The following TRAPPC9 variants were observed in gnomAD, a reference collection of about 807,000 sequenced individuals.
TRAPPC9 encodes trafficking protein particle complex subunit 9.
A neutral mutation model predicts 124.0 loss-of-function variants in TRAPPC9; 83 were observed. The ratio of observed to expected loss-of-function variants is 0.67; its 90% CI spans 0.56 to 0.80. The LOEUF (loss-of-function observed/expected upper bound fraction) is 0.80. Among genes scored for constraint, TRAPPC9 ranks in the 30% least tolerant of loss-of-function variants. TRAPPC9 has a pLI of 0.00. For missense variants in TRAPPC9, 1,302 were observed against 1,508.3 expected (o/e 0.86, Z 2.27); for synonymous variants, 638 against 617.5 (o/e 1.03, Z -0.49).
intron 13 of TRAPPC9, among the ~76,000 whole-genome samples, chr8:140,284,949 G>A (rs1428467098): frequency 6.6e-6 from 1 of 152,162 alleles, no homozygotes; most frequent in East Asian, 1.9e-4. Context: ...TTGCACTAAT[G>A]TCCTTTCTAT....
chr8:140,179,024 C>A (rs2062138782), intron 17 of TRAPPC9, among the ~76,000 whole-genome samples: 2 of 152,074 alleles, frequency 1.3e-5, no homozygotes, highest in Admixed American at 1.3e-4. Context: ...GAGGTGCATG[C>A]ATTTTATTGA....
intron 18 of TRAPPC9, among the ~76,000 whole-genome samples, chr8:140,010,601 C>A (rs183756522): frequency 9.2e-5 from 14 of 152,248 alleles, no homozygotes; most frequent in Admixed American, 7.2e-4. Context: ...GTTTACCTTA[C>A]TCAAAACTAA....
intron 17 of TRAPPC9, among the ~76,000 whole-genome samples, chr8:140,143,439 C>T (rs2061410950): frequency 6.6e-6 from 1 of 152,236 alleles, no homozygotes; most frequent in Non-Finnish European, 1.5e-5. Flanking sequence ...AATTCTCTAA[C>T]TTTTCTTCGT....
intron 21 of TRAPPC9, among the ~76,000 whole-genome samples, chr8:139,817,166 C>A (rs1294443587): frequency 6.6e-6 from 1 of 152,046 alleles, no homozygotes; most frequent in Non-Finnish European, 1.5e-5. Context: ...CCATGCCTTG[C>A]AGGGGCCGCT....
chr8:140,306,733 A>C (rs777177803), intron 10 of TRAPPC9, among the ~76,000 whole-genome samples: 2 of 152,228 alleles, frequency 1.3e-5, no homozygotes, highest in Non-Finnish European at 2.9e-5. Context: ...AAGTGCCACA[A>C]GTCCAAGGAA....
intron 17 of TRAPPC9, among the ~76,000 whole-genome samples, chr8:140,146,957 C>T (rs560496822): frequency 1.3e-5 from 2 of 152,060 alleles, no homozygotes; most frequent in East Asian, 3.9e-4. Flanking sequence ...TACCTGTTAC[C>T]CACGCACTCA....
intron 16 of TRAPPC9, among the ~76,000 whole-genome samples, chr8:140,234,403 C>T (rs1207156688): frequency 6.6e-6 from 1 of 152,242 alleles, no homozygotes; most frequent in Non-Finnish European, 1.5e-5. Context: ...CAGTACTGCA[C>T]AGGCCATTCC....
At chr8:140,246,652 C>G (rs1334379015) in intron 16 of TRAPPC9, among the ~76,000 whole-genome samples, 1 of 152,170 alleles carries the variant, frequency 6.6e-6, no homozygotes, top group African/African-American at 2.4e-5. Context: ...AGTACTAACA[C>G]TATCTCTACC....
intron 16 of TRAPPC9, among the ~76,000 whole-genome samples, chr8:140,231,003 ACCTGC>A (rs2063578477): frequency 6.6e-6 from 1 of 152,164 alleles, no homozygotes; most frequent in Non-Finnish European, 1.5e-5. Flanking sequence ...TACAACAGTG[ACCTGC>A]ACTGACATCT....
chr8:139,866,764 C>CTG lies in TRAPPC9; in HGVS notation c.3055+19113_3055+19114dup, dbSNP rs139054349. Among the ~76,000 whole-genome samples, 1,258 of 151,242 alleles carry CTG rather than the reference C, an allele frequency of 8.3e-3. 17 individuals are homozygous for CTG. Among genetic ancestry groups the CTG allele is most frequent in the African/African-American group, 0.028 (1,163 of 41,272 alleles). ...GGACAGACAGAAAGAGATGTTGAGG[C>CTG]TGTGTGTGTGTGTGTGTCTATTTCT... On this transcript the variant is annotated intron_variant, in intron 21 of 22. Transcript: ENST00000438773.
intron 17 of TRAPPC9, among the ~76,000 whole-genome samples, chr8:140,151,512 T>C (rs567907378): frequency 6.6e-6 from 1 of 152,276 alleles, no homozygotes; most frequent in Non-Finnish European, 1.5e-5. Context: ...GACGGCATCT[T>C]CAGGCTCCCA....
chr8:140,090,887 G>A (rs1348617712), intron 17 of TRAPPC9, among the ~76,000 whole-genome samples: 2 of 152,212 alleles, frequency 1.3e-5, no homozygotes, highest in Non-Finnish European at 2.9e-5. Context: ...ATATTAATGG[G>A]CTGGCTTCTG....
intron 18 of TRAPPC9, among the ~76,000 whole-genome samples, chr8:140,014,437 A>AAATAAT (rs936004259): frequency 1.3e-5 from 2 of 152,026 alleles, no homozygotes; most frequent in East Asian, 1.9e-4. Context: ...AGAACAGTAA[A>AAATAAT]AATAATAATA....
At chr8:140,127,813 A>G (rs1563782041) in intron 17 of TRAPPC9, among the ~76,000 whole-genome samples, 1 of 152,246 alleles carries the variant, frequency 6.6e-6, no homozygotes, top group African/African-American at 2.4e-5. Context: ...TAAAAGTCTC[A>G]GTTTACAAAT....
At chr8:139,937,764 T>C (rs1034857540) in intron 19 of TRAPPC9, among the ~76,000 whole-genome samples, 5 of 152,188 alleles carry the variant, frequency 3.3e-5, no homozygotes, top group Non-Finnish European at 7.3e-5. Context: ...TGTCACGTAT[T>C]ATTACCGCTG....
At chr8:139,850,935 G>A (rs1827402767) in intron 21 of TRAPPC9, among the ~76,000 whole-genome samples, 1 of 152,258 alleles carries the variant, frequency 6.6e-6, no homozygotes, top group East Asian at 1.9e-4. Context: ...TATCCTCCAT[G>A]CTCAAAAGAA....
chr8:140,451,283 A>T lies in TRAPPC9; in HGVS notation c.91T>A (p.Phe31Ile). 1 of 1,611,774 alleles carries T rather than the reference A, an allele frequency of 6.2e-7. No homozygotes were observed. Among genetic ancestry groups the T allele is most frequent in the African/African-American group, 1.3e-5 (1 of 75,060 alleles). Residue 31 changes from phenylalanine (F) to isoleucine (I), a missense_variant, in exon 2 of 23, where the codon TTC becomes ATC. Phe to Ile is a conservative substitution (Grantham distance 21). Coordinates refer to ENST00000438773, the MANE Select transcript of TRAPPC9 (RefSeq NM_001160372.4). The stretch of plus-strand genomic sequence containing the variant: ...CAAATCCTCTTATAGATCCTGAAGA[A>T]GTTCTCCTCGGAGACGATGCCCACA... The part of the protein sequence containing the change: ...QPVGIVSEEN[F>I]FRIYKRICSV...
intron 6 of TRAPPC9, among the ~76,000 whole-genome samples, chr8:140,402,205 A>T (rs954375395): frequency 6.6e-5 from 10 of 151,706 alleles, no homozygotes; most frequent in Non-Finnish European, 1.0e-4. Flanking sequence ...TGTCATTACA[A>T]ATAAAAAATA....
chr8:140,381,445 A>G (rs946340101), intron 7 of TRAPPC9, among the ~76,000 whole-genome samples: 2 of 152,000 alleles, frequency 1.3e-5, no homozygotes, highest in African/African-American at 4.8e-5. Context: ...AGGTGGGCGG[A>G]TCATGAGGTC....
Sources: allele counts gnomAD v4.1 joint callset (sites outside exome capture counted in the v4.1 genomes callset), GRCh38; gene constraint gnomAD v4.1.1; transcripts MANE v1.5; gene names NCBI Gene and HGNC (gene_info 2026-07-23, HGNC 2026-07-21).